LSM6: variants seen among roughly 807,000 people sequenced by gnomAD.
The protein encoded by LSM6 is U6 snRNA-associated Sm-like protein LSm6.
LSM6 carries 2 observed loss-of-function variants against 13.5 expected under a neutral mutation model. The ratio of observed to expected loss-of-function variants is 0.15; its 90% confidence interval spans 0.06 to 0.47. The LOEUF (loss-of-function observed/expected upper bound fraction) is 0.47, where lower values mean the gene tolerates loss of function less well. LSM6 is among the 20% of genes least tolerant of loss of function. The probability of loss-of-function intolerance (pLI) is 0.97; values close to 1 mark genes in which losing one functional copy is unlikely to be tolerated. For missense variants in LSM6, 58 were observed against 96.4 expected (o/e 0.60, Z 1.67); for synonymous variants, 43 against 34.9 (o/e 1.23, Z -0.82).
intron 2 of LSM6, chr4:146,183,680 T>C (rs1261442420): frequency 6.6e-6 from 1 of 152,212 alleles, no homozygotes; most frequent in Non-Finnish European, 1.5e-5. Context: ...GGACGTGGTC[T>C]CTTGGGTTGC....
Position 146,182,948 on chromosome 4 carries a change from T to G in LSM6, c.27T>G (p.Ser9Arg). The change falls in exon 2 of 4, where the codon AGT becomes AGG. Residue 9 changes from serine (S) to arginine (R), a missense_variant. Physicochemically the swap from Ser to Arg is moderately radical, Grantham distance 110. This residue lies in a region of LSM6 where 28 missense variants were observed against 32.6 expected (regional missense o/e 0.86). Coordinates refer to ENST00000296581, the MANE Select transcript of LSM6 (RefSeq NM_007080.3). MSLRKQTP[S>R]DFLKQIIGRP... ...TGAGTCTTCGGAAGCAAACCCCTAG[T>G]GACTTCTTAAAGCAAATCATCGGAC... 1 of 1,613,174 alleles carries G rather than the reference T, an allele frequency of 6.2e-7. No individual in the cohort carries two copies. Among genetic ancestry groups the G allele is most frequent in the Non-Finnish European group, 8.5e-7 (1 of 1,179,188 alleles).
At chr4:146,178,843 C>T (rs1418069740) in intron 1 of LSM6, among the ~76,000 whole-genome samples, 2 of 152,188 alleles carry the variant, frequency 1.3e-5, no homozygotes, top group Admixed American at 6.5e-5. Context: ...AAGATTTAAC[C>T]AGAGAATCTT....
rs1336202646 is a variant in LSM6 at position 146,190,378 on chromosome 4, C to T, written c.*722C>T. ...TGCTCCCTTTCAGGAGCATTGGCAT[C>T]AACGTTATTCTCTCAGTTTATGAAC... is the stretch of plus-strand genomic sequence containing the variant. On this transcript the variant is annotated 3_prime_UTR_variant, in exon 4 of 4. Transcript: ENST00000296581. The T allele has an allele frequency of 6.6e-6, 1 of 152,296 alleles. No individual in the cohort carries two copies. Among genetic ancestry groups the T allele is most frequent in the Non-Finnish European group, 1.5e-5 (1 of 68,120 alleles). The allele number at this position is 152,296 out of a possible 1,614,324, so 9.4% of individuals were successfully genotyped here.
At chr4:146,177,710 C>G (rs1041227722) in intron 1 of LSM6, among the ~76,000 whole-genome samples, 5 of 151,946 alleles carry the variant, frequency 3.3e-5, no homozygotes, top group Non-Finnish European at 5.9e-5. Flanking sequence ...TTGTGCTGGG[C>G]AGTCCTTTGT....
At chr4:146,181,350 A>G (rs1174888593) in intron 1 of LSM6, 1 of 152,238 alleles carries the variant, frequency 6.6e-6, no homozygotes, top group East Asian at 1.9e-4. Flanking sequence ...CACTCTTTAA[A>G]TGAGTTTAAA....
chr4:146,187,528 A>T, intron 3 of LSM6, 141 bp downstream of exon 3: 1 of 571,432 alleles, frequency 1.7e-6, no homozygotes, highest in Non-Finnish European at 3.1e-6. Context: ...TCAGATCTTC[A>T]GTTTGACCAG....
chr4:146,182,677 G>A (rs1343788210), intron 1 of LSM6, among the ~76,000 whole-genome samples: 1 of 152,238 alleles, frequency 6.6e-6, no homozygotes, highest in East Asian at 1.9e-4. Context: ...ACTGTGCCAT[G>A]GTGTTGTGGG....
At chr4:146,181,220 A>G (rs563558860) in intron 1 of LSM6, 1 of 151,958 alleles carries the variant, frequency 6.6e-6, no homozygotes. Flanking sequence ...TCCAAATGAT[A>G]GCCCAAAATT....
chr4:146,186,270 C>A (rs954930219), intron 2 of LSM6, among the ~76,000 whole-genome samples: 7 of 152,128 alleles, frequency 4.6e-5, no homozygotes, highest in Admixed American at 6.5e-5. Flanking sequence ...AGATTAATGT[C>A]TTTTGCTGTC....
At chr4:146,179,585 G>GTAGA (rs1183505573) in intron 1 of LSM6, among the ~76,000 whole-genome samples, 1 of 152,130 alleles carries the variant, frequency 6.6e-6, no homozygotes, top group African/African-American at 2.4e-5. Flanking sequence ...TTAGTAGAAT[G>GTAGA]TAGATATTCT....
intron 2 of LSM6, chr4:146,183,649 A>G (rs1730279459): frequency 6.6e-6 from 1 of 152,374 alleles, no homozygotes; most frequent in Non-Finnish European, 1.5e-5. Context: ...AGGTGTAACT[A>G]TAACTGATTC....
intron 2 of LSM6, among the ~76,000 whole-genome samples, chr4:146,185,522 A>C (rs79142444): frequency 6.6e-6 from 1 of 151,642 alleles, no homozygotes; most frequent in Non-Finnish European, 1.5e-5. Context: ...AAAAAAAAAA[A>C]AAGAAAAACT....
At chr4:146,185,156 A>G (rs56279747) in intron 2 of LSM6, among the ~76,000 whole-genome samples, 32,712 of 152,092 alleles carry the variant, frequency 0.22, 4,490 homozygotes, top group Non-Finnish European at 0.3. Context: ...ATCTCTTTAG[A>G]ATCAATTCCC....
rs1368204536 is a variant in LSM6, at chr4:146,191,412, C to G, written c.*1756C>G. 6.6e-6 allele frequency: 1 copy of G among 152,170 alleles called. No homozygotes were observed. The highest frequency in any genetic ancestry group is 1.5e-5 in the Non-Finnish European group (1 of 68,030). The allele number at this position is 152,170 out of a possible 1,614,324, so 9.4% of individuals were successfully genotyped here. A position where few individuals can be genotyped will look rare whatever the true frequency, so the allele number is the denominator to read the frequency against. ...TAAGTCTTTATTTTCCCCTTGCCAT[C>G]TCTCTAGTTTAATAGCTCTACAGTG... On this transcript the variant is annotated 3_prime_UTR_variant, in exon 4 of 4. Transcript: ENST00000296581.
At chr4:146,180,547 T>C (rs544197211) in intron 1 of LSM6, among the ~76,000 whole-genome samples, 2 of 152,358 alleles carry the variant, frequency 1.3e-5, no homozygotes, top group Non-Finnish European at 2.9e-5. Flanking sequence ...ATTTGCATTC[T>C]TTTTTCTGAC....
intron 2 of LSM6, among the ~76,000 whole-genome samples, chr4:146,186,746 G>T (rs1299919579): frequency 6.6e-6 from 1 of 152,202 alleles, no homozygotes; most frequent in East Asian, 1.9e-4. Flanking sequence ...AGCACCTGCT[G>T]TCTCCTCTTC....
chr4:146,185,200 T>C (rs1254650972), intron 2 of LSM6, among the ~76,000 whole-genome samples: 4 of 152,228 alleles, frequency 2.6e-5, no homozygotes, highest in African/African-American at 9.6e-5. Context: ...GAGTATTCCA[T>C]GGCCCTGCAT....
At chr4:146,185,658 G>A (rs1250712098) in intron 2 of LSM6, among the ~76,000 whole-genome samples, 2 of 148,116 alleles carry the variant, frequency 1.4e-5, no homozygotes, top group Non-Finnish European at 3.0e-5. Context: ...TGTTGTTGTT[G>A]TTGCTTGTTT....
In LSM6 at chr4:146,191,468, TAATC is replaced by T. The variant is rs1358816548; in HGVS notation, c.*1815_*1818del. ...CTGTTTTCAACCATGGAACTACTTT[TAATC>T]AAGATCAACTTTGGGAAGTGCTGCC... On this transcript the variant is annotated 3_prime_UTR_variant, in exon 4 of 4. Transcript: ENST00000296581. 1 of 152,252 alleles carries T rather than the reference TAATC, an allele frequency of 6.6e-6. No homozygotes were observed. Among genetic ancestry groups the T allele is most frequent in the Admixed American group, 6.5e-5 (1 of 15,286 alleles). The allele number at this position is 152,252 out of a possible 1,614,324, so 9.4% of individuals were successfully genotyped here.
Sources: gnomAD v4.1 joint callset for allele counts (sites outside exome capture counted in the v4.1 genomes callset) on GRCh38, gnomAD v4.1.1 for gene constraint, gnomAD v4.1.1 regional missense constraint, MANE v1.5 for transcripts, NCBI Gene and HGNC (gene_info 2026-07-23, HGNC 2026-07-21) for gene names.